The following LRP1B variants were observed in gnomAD, a reference collection of about 807,000 sequenced individuals.
The protein encoded by LRP1B is LDL receptor related protein 1B, also known as low-density lipoprotein receptor-related protein 1B.
In LRP1B, 217 loss-of-function variants were observed where a neutral mutation model predicts 556.6. The ratio of observed to expected loss-of-function variants is 0.39; its 90% CI spans 0.35 to 0.44. The LOEUF is 0.44. LRP1B is among the 20% of genes least tolerant of loss of function. The pLI is 1.00. For synonymous variants in LRP1B, 2,047 were observed against 1,865.8 expected (o/e 1.10, Z -2.50); for missense variants, 5,053 against 5,620.8 (o/e 0.90, Z 3.23).
intron 49 of LRP1B, 130 bp from the exon 50 acceptor site, chr2:140,517,141 C>T: frequency 1.5e-6 from 1 of 658,226 alleles, no homozygotes; most frequent in South Asian, 1.9e-5. Context: ...AAGATTTTCT[C>T]CTAAAGAATG....
chr2:141,672,093 G>C (rs1690693933), intron 2 of LRP1B, among the ~76,000 whole-genome samples: 1 of 152,010 alleles, frequency 6.6e-6, no homozygotes, highest in Non-Finnish European at 1.5e-5. Flanking sequence ...TACTGAGCAA[G>C]GACCTAACCT....
intron 1 of LRP1B, among the ~76,000 whole-genome samples, chr2:141,827,316 T>C (rs910030060): frequency 2.6e-5 from 4 of 152,236 alleles, no homozygotes; most frequent in Non-Finnish European, 4.4e-5. Context: ...AAATGTCTAA[T>C]AGAGTTTTAC....
chr2:140,393,433 CTTTTT>C (rs530739346), intron 66 of LRP1B, among the ~76,000 whole-genome samples: 2,082 of 147,014 alleles, frequency 0.014, 52 homozygotes, highest in African/African-American at 0.049. Flanking sequence ...TGTTTCGTTC[CTTTTT>C]TTTTTAAGTT....
At chr2:140,342,259 A>C (rs1359693919) in intron 77 of LRP1B, among the ~76,000 whole-genome samples, 1 of 151,094 alleles carries the variant, frequency 6.6e-6, no homozygotes, top group Non-Finnish European at 1.5e-5. Context: ...AAAAAAAAAA[A>C]CTTTGAAATT....
intron 87 of LRP1B, among the ~76,000 whole-genome samples, chr2:140,242,039 A>G (rs2104889596): frequency 6.6e-6 from 1 of 151,152 alleles, no homozygotes; most frequent in South Asian, 2.1e-4. Flanking sequence ...TAGAAGAAAG[A>G]ACTATAAGTG....
chr2:141,940,446 T>C (rs1700763195), intron 1 of LRP1B, among the ~76,000 whole-genome samples: 1 of 152,196 alleles, frequency 6.6e-6, no homozygotes, highest in African/African-American at 2.4e-5. Context: ...CTGATAACTA[T>C]TCATGTAATT....
chr2:141,499,811 C>T (rs748641381), intron 2 of LRP1B, among the ~76,000 whole-genome samples: 3 of 151,894 alleles, frequency 2.0e-5, no homozygotes, highest in Non-Finnish European at 4.4e-5. Flanking sequence ...TGTTAGTATT[C>T]GGCATCAGGT....
At chr2:140,412,792 C>T (rs1685021189) in intron 66 of LRP1B, among the ~76,000 whole-genome samples, 1 of 151,944 alleles carries the variant, frequency 6.6e-6, no homozygotes, top group South Asian at 2.1e-4. Flanking sequence ...TTCTATCATA[C>T]CATTAATATG....
chr2:141,758,225 A>G (rs1421677703), intron 2 of LRP1B, among the ~76,000 whole-genome samples: 1 of 152,108 alleles, frequency 6.6e-6, no homozygotes, highest in Non-Finnish European at 1.5e-5. Context: ...TAACAACTTA[A>G]TATGCTTTAT....
chr2:141,319,297 GTGTTTTTTTGT>G (rs1279622838), intron 3 of LRP1B, among the ~76,000 whole-genome samples: 2 of 117,324 alleles, frequency 1.7e-5, no homozygotes, highest in African/African-American at 8.3e-5. Context: ...CTAAAAAGCA[GTGTTTTTTTGT>G]TGTTTTTTTT....
chr2:141,530,398 C>G (rs1684828989), intron 2 of LRP1B, among the ~76,000 whole-genome samples: 3 of 152,084 alleles, frequency 2.0e-5, no homozygotes, highest in Admixed American at 1.3e-4. Context: ...TCACCTACCA[C>G]TGATTCTATC....
intron 43 of LRP1B, among the ~76,000 whole-genome samples, chr2:140,590,121 G>A (rs1403782203): frequency 4.0e-5 from 6 of 151,712 alleles, no homozygotes; most frequent in East Asian, 3.9e-4. Flanking sequence ...TGCATATGTC[G>A]TCCTTCACTC....
At chr2:141,186,106 T>G (rs1036134327) in intron 7 of LRP1B, among the ~76,000 whole-genome samples, 4 of 136,916 alleles carry the variant, frequency 2.9e-5, no homozygotes, top group African/African-American at 1.1e-4. Flanking sequence ...AAAACCAGTA[T>G]GCTTAAGTAA....
intron 3 of LRP1B, among the ~76,000 whole-genome samples, chr2:141,461,167 G>A (rs1269591029): frequency 1.3e-5 from 2 of 152,130 alleles, no homozygotes; most frequent in African/African-American, 4.8e-5. Context: ...GGGGAAATGG[G>A]AAAAGTGAAG....
At chr2:141,492,521 T>G (rs1683372114) in intron 2 of LRP1B, among the ~76,000 whole-genome samples, 1 of 152,158 alleles carries the variant, frequency 6.6e-6, no homozygotes, top group Admixed American at 6.6e-5. Flanking sequence ...ATTGGTTATT[T>G]TACTTGGAAA....
chr2:141,553,478 A>C (rs1051840122), intron 2 of LRP1B, among the ~76,000 whole-genome samples: 7 of 151,508 alleles, frequency 4.6e-5, no homozygotes, highest in African/African-American at 1.5e-4. Flanking sequence ...AAATTATCCC[A>C]AATTTTTTCT....
chr2:140,318,595 G>A (rs529432426), intron 82 of LRP1B, among the ~76,000 whole-genome samples: 24 of 152,168 alleles, frequency 1.6e-4, no homozygotes, highest in Admixed American at 2.6e-4. Context: ...TATTGTGCTA[G>A]CCCTTCTATG....
chr2:141,705,203 C>T (rs1692093160), intron 2 of LRP1B, among the ~76,000 whole-genome samples: 1 of 152,010 alleles, frequency 6.6e-6, no homozygotes, highest in East Asian at 1.9e-4. Context: ...TACACTTTAA[C>T]TGCCTATCTA....
chr2:140,767,807 T>A (rs1258860910), intron 35 of LRP1B, among the ~76,000 whole-genome samples: 1 of 151,924 alleles, frequency 6.6e-6, no homozygotes, highest in Non-Finnish European at 1.5e-5. Flanking sequence ...AATAATTGAA[T>A]ATATGCTCCA....
Sources: allele counts gnomAD v4.1 joint callset (sites outside exome capture counted in the v4.1 genomes callset), GRCh38; gene constraint gnomAD v4.1.1; transcripts MANE v1.5; gene names NCBI Gene and HGNC (gene_info 2026-07-23, HGNC 2026-07-21).